Variants in ADAM12 observed in about 807,000 individuals in gnomAD.
ADAM12 encodes the protein ADAM metallopeptidase domain 12, also known as disintegrin and metalloproteinase domain-containing protein 12.
A neutral mutation model predicts 106.4 loss-of-function variants in ADAM12; 70 were observed. That is an observed-to-expected ratio of 0.66 (90% CI 0.54 to 0.80). ADAM12 has a LOEUF of 0.80. Among genes scored for constraint, ADAM12 ranks in the 30% least tolerant of loss-of-function variants. The probability of loss-of-function intolerance (pLI) is 0.00; values close to 1 mark genes in which losing one functional copy is unlikely to be tolerated. For synonymous variants in ADAM12, 420 were observed against 433.5 expected (o/e 0.97, Z 0.39); for missense variants, 1,010 against 1,171.9 (o/e 0.86, Z 2.02).
At chr10:126,198,796 T>A (rs1188025744) in intron 3 of ADAM12, among the ~76,000 whole-genome samples, 1 of 152,220 alleles carries the variant, frequency 6.6e-6, no homozygotes, top group Non-Finnish European at 1.5e-5. Flanking sequence ...CCCCACCAAA[T>A]TTCATGTGTA....
intron 16 of ADAM12, among the ~76,000 whole-genome samples, chr10:126,048,665 GA>G (rs368736490): frequency 0.018 from 2,210 of 126,220 alleles, 46 homozygotes; most frequent in African/African-American, 0.054. Flanking sequence ...AAAGTTTGGT[GA>G]AAAAAAAAAA....
At chr10:126,213,956 A>C (rs1957943203) in intron 3 of ADAM12, among the ~76,000 whole-genome samples, 1 of 152,210 alleles carries the variant, frequency 6.6e-6, no homozygotes. Flanking sequence ...GGCTTAGCAA[A>C]GGTTTTGCTA....
intron 6 of ADAM12, among the ~76,000 whole-genome samples, chr10:126,112,950 C>A (rs1228968879): frequency 6.6e-6 from 1 of 152,152 alleles, no homozygotes; most frequent in African/African-American, 2.4e-5. Context: ...CCAGTGTCCT[C>A]CTGAAACTCA....
chr10:126,094,097 G>C lies in ADAM12; in HGVS notation c.1033C>G (p.Leu345Val). ...AAATTGTGGCCCAGCTCATGTGCCA[G>C]GGTCACGGCTGCACCAAGGGGATTG... ...SDNPLGAAVT[L>V]AHELGHNFGM... Residue 345 changes from leucine (L) to valine (V), a missense_variant, in exon 11 of 23, where the codon CTG becomes GTG. Physicochemically the swap from Leu to Val is conservative, Grantham distance 32. Around this residue, in one of 3 missense-constraint regions of ADAM12, gnomAD observed 391 missense variants for 442.9 expected, o/e 0.88. Transcript: ENST00000448723. The C allele has an allele frequency of 6.2e-7, 1 of 1,614,186 alleles. No homozygotes were observed. The highest frequency in any genetic ancestry group is 1.1e-5 in the South Asian group (1 of 91,078).
In ADAM12 at chr10:126,155,226, C is replaced by T; in HGVS notation, c.339+1G>A. 2 of 1,613,914 alleles carry T rather than the reference C, an allele frequency of 1.2e-6. No individual in the cohort carries two copies. The highest frequency in any genetic ancestry group is 1.7e-6 in the Non-Finnish European group (2 of 1,179,866). ...TGGTGATCCCAACGTGCCAGAATTA[C>T]CGTGTAATTTCGAGCGAGGGAGACA... On this transcript the variant is annotated splice_donor_variant, in intron 4 of 22. Coordinates refer to ENST00000448723, the MANE Select transcript of ADAM12 (RefSeq NM_001288973.2). LOFTEE classifies it high-confidence loss of function.
At chr10:126,372,268 A>G (rs1323447848) in intron 1 of ADAM12, among the ~76,000 whole-genome samples, 1 of 152,214 alleles carries the variant, frequency 6.6e-6, no homozygotes, top group African/African-American at 2.4e-5. Flanking sequence ...CTGAATGAAC[A>G]TATGAACAGT....
chr10:126,100,005 G>A (rs999889310), intron 9 of ADAM12, among the ~76,000 whole-genome samples: 3 of 151,272 alleles, frequency 2.0e-5, no homozygotes, highest in African/African-American at 7.3e-5. Flanking sequence ...AAAAGCATCG[G>A]CAACATCTCA....
intron 2 of ADAM12, among the ~76,000 whole-genome samples, chr10:126,318,390 ACT>A (rs1853962790): frequency 1.4e-5 from 2 of 147,996 alleles, no homozygotes; most frequent in South Asian, 2.1e-4. Flanking sequence ...GCTCAGAGTC[ACT>A]CTGTCATACA....
chr10:126,297,715 AC>A (rs1960446188), intron 2 of ADAM12, among the ~76,000 whole-genome samples: 1 of 152,248 alleles, frequency 6.6e-6, no homozygotes, highest in South Asian at 2.1e-4. Flanking sequence ...GGGAAAATAT[AC>A]AAAAATGGTA....
chr10:126,158,818 T>A (rs12762029), intron 3 of ADAM12, among the ~76,000 whole-genome samples: 90,342 of 138,210 alleles, frequency 0.65, 29,778 homozygotes, highest in Admixed American at 0.76. Flanking sequence ...GTGGGGAGGA[T>A]GCGCAGAGCA....
intron 3 of ADAM12, among the ~76,000 whole-genome samples, chr10:126,200,833 T>G (rs1485128731): frequency 6.9e-6 from 1 of 145,716 alleles, no homozygotes; most frequent in Admixed American, 6.6e-5. Context: ...TGGAGAGTTG[T>G]TAGGACTTAG....
intron 3 of ADAM12, among the ~76,000 whole-genome samples, chr10:126,221,389 C>CAAAA (rs35766891): frequency 5.1e-4 from 51 of 100,552 alleles, no homozygotes; most frequent in East Asian, 3.5e-3. Flanking sequence ...GACTCTGTCT[C>CAAAA]AAAAAAAAAA....
chr10:126,142,105 T>G (rs182079118), intron 4 of ADAM12, among the ~76,000 whole-genome samples: 3 of 152,278 alleles, frequency 2.0e-5, no homozygotes, highest in Admixed American at 2.0e-4. Flanking sequence ...GTCAGAAACA[T>G]GCATTTCTCT....
intron 4 of ADAM12, among the ~76,000 whole-genome samples, chr10:126,149,282 A>T (rs1216945571): frequency 6.6e-6 from 1 of 152,206 alleles, no homozygotes; most frequent in Non-Finnish European, 1.5e-5. Flanking sequence ...CGGGCTGTTT[A>T]CTAAGATGCC....
rs373722932 is a variant in ADAM12, at chr10:126,382,394, C to T, written c.88+5664G>A. On this transcript the variant is annotated intron_variant, in intron 1 of 22. Coordinates refer to ENST00000448723, the MANE Select transcript of ADAM12 (RefSeq NM_001288973.2). ...ATCGTGAAGGTGGGTTAGCAAAGTG[C>T]TAAACGGAAAACAAAAGGATTAAGT... 2.3e-4 allele frequency among the ~76,000 whole-genome samples: 35 copies of T among 152,298 alleles called. No homozygotes were observed. In the South Asian group the frequency reaches 6.6e-3, roughly 29 times the overall value.
chr10:126,031,982 GAAGT>G (rs1354529231), intron 21 of ADAM12, among the ~76,000 whole-genome samples: 1 of 152,192 alleles, frequency 6.6e-6, no homozygotes, highest in Non-Finnish European at 1.5e-5. Context: ...TACCATGAAG[GAAGT>G]GGTACATTGC....
chr10:126,322,041 C>T (rs894058844), intron 2 of ADAM12, among the ~76,000 whole-genome samples: 27 of 152,278 alleles, frequency 1.8e-4, no homozygotes, highest in Admixed American at 5.2e-4. Context: ...AAAGCCAATG[C>T]ACTGCCTGTT....
intron 2 of ADAM12, among the ~76,000 whole-genome samples, chr10:126,291,786 G>A (rs1342037459): frequency 6.6e-6 from 1 of 152,140 alleles, no homozygotes; most frequent in Non-Finnish European, 1.5e-5. Flanking sequence ...AGCAGATGAA[G>A]GACTTGAGAA....
intron 3 of ADAM12, among the ~76,000 whole-genome samples, chr10:126,231,033 G>T (rs1958299427): frequency 6.6e-6 from 1 of 152,122 alleles, no homozygotes; most frequent in Non-Finnish European, 1.5e-5. Context: ...TATTAAGAAC[G>T]TAAGACATCA....
Sources: gnomAD v4.1 joint callset for allele counts (sites outside exome capture counted in the v4.1 genomes callset) on GRCh38, gnomAD v4.1.1 for gene constraint, gnomAD v4.1.1 regional missense constraint, MANE v1.5 for transcripts, NCBI Gene and HGNC (gene_info 2026-07-23, HGNC 2026-07-21) for gene names.